Variants in SIPA1L2 observed in about 807,000 individuals in gnomAD.
The protein encoded by SIPA1L2 is signal induced proliferation associated 1 like 2.
Under a neutral mutation model 163.9 loss-of-function variants are expected in SIPA1L2, and 56 were observed. The ratio of observed to expected loss-of-function variants is 0.34; its 90% CI spans 0.28 to 0.43. The LOEUF is 0.43. Ranked by LOEUF, SIPA1L2 falls within the 20% of genes least tolerant of loss-of-function variation. The probability of loss-of-function intolerance (pLI) is 1.00; values close to 1 mark genes in which losing one functional copy is unlikely to be tolerated. For missense variants in SIPA1L2, 1,974 were observed against 2,193.5 expected (o/e 0.90, Z 2.00); for synonymous variants, 877 against 865.7 (o/e 1.01, Z -0.23).
chr1:232,627,218 T>C (rs1663125193), intron 1 of SIPA1L2, among the ~76,000 whole-genome samples: 1 of 152,196 alleles, frequency 6.6e-6, no homozygotes, highest in African/African-American at 2.4e-5. Flanking sequence ...CATTTACCAA[T>C]TATGGTTGGG....
chr1:232,547,797 C>G (rs942607145), intron 2 of SIPA1L2, among the ~76,000 whole-genome samples: 1 of 152,088 alleles, frequency 6.6e-6, no homozygotes, highest in Non-Finnish European at 1.5e-5. Context: ...ATTTCCAAAT[C>G]ATATCTCATT....
chr1:232,435,702 G>C (rs1045823102), intron 15 of SIPA1L2, among the ~76,000 whole-genome samples: 1 of 152,114 alleles, frequency 6.6e-6, no homozygotes, highest in South Asian at 2.1e-4. Flanking sequence ...TTGGTATTCT[G>C]AGCTCCTATC....
chr1:232,412,250 G>A (rs1660998843), intron 19 of SIPA1L2, among the ~76,000 whole-genome samples: 1 of 152,170 alleles, frequency 6.6e-6, no homozygotes, highest in Non-Finnish European at 1.5e-5. Flanking sequence ...GGAGAGGCAA[G>A]TCTGCCAGGG....
chr1:232,441,673 T>A (rs1662904707), intron 13 of SIPA1L2, 95 bp downstream of exon 13: 2 of 1,054,274 alleles, frequency 1.9e-6, no homozygotes, highest in Admixed American at 2.0e-5. Context: ...ATAGGTTGAA[T>A]GAGTGAATGA....
intron 2 of SIPA1L2, among the ~76,000 whole-genome samples, chr1:232,524,044 T>C (rs1667575387): frequency 1.3e-5 from 2 of 152,224 alleles, no homozygotes; most frequent in Non-Finnish European, 2.9e-5. Context: ...ATCTTTGCAC[T>C]GTTCCCATAT....
In SIPA1L2 at chr1:232,498,368, T is replaced by A. The variant is rs75237428; in HGVS notation, c.1484-4708A>T. On this transcript the variant is annotated intron_variant, in intron 3 of 22. Transcript: ENST00000674635. Reference sequence around the variant, plus strand: ...ACCGGAGCAATACAATTTCTTGAAGTATTTATAAAACTGAGAACTTATATA... The same window carrying A: ...ACCGGAGCAATACAATTTCTTGAAGAATTTATAAAACTGAGAACTTATATA... 7.3e-3 allele frequency among the ~76,000 whole-genome samples: 1,116 copies of A among 152,326 alleles called. 15 individuals are homozygous for A. Among genetic ancestry groups the A allele is most frequent in the African/African-American group, 0.025 (1,050 of 41,564 alleles).
rs951020458 is a variant in SIPA1L2 at position 232,404,034 on chromosome 1, G to A, written c.4816+91C>T. The A allele has an allele frequency of 1.3e-5, 19 of 1,430,954 alleles. No homozygotes were observed. The Admixed American group carries it at 3.2e-4, about 24-fold the overall frequency. 88.6% of individuals were successfully genotyped at this position (1,430,954 alleles called of 1,614,324 possible). On this transcript the variant is annotated intron_variant, in intron 20 of 22. Transcript: ENST00000674635. The stretch of plus-strand genomic sequence containing the variant: ...CCGCTGTGCACCCCCAACCCTCAGG[G>A]CGTGAATAACCATGCAGACGTGCAG...
chr1:232,440,707 A>G (rs1662837821), intron 14 of SIPA1L2, among the ~76,000 whole-genome samples: 1 of 152,262 alleles, frequency 6.6e-6, no homozygotes, highest in Non-Finnish European at 1.5e-5. Context: ...TTTATTTGTA[A>G]TAACCAACAA....
chr1:232,455,478 G>C (rs954329890), intron 10 of SIPA1L2, among the ~76,000 whole-genome samples: 3 of 152,040 alleles, frequency 2.0e-5, no homozygotes, highest in Admixed American at 6.6e-5. Flanking sequence ...TCAGGAGATC[G>C]AGACCATCCT....
chr1:232,481,474 G>A (rs1348792121), intron 6 of SIPA1L2, among the ~76,000 whole-genome samples: 2 of 151,992 alleles, frequency 1.3e-5, no homozygotes, highest in African/African-American at 4.8e-5. Flanking sequence ...ATTGCGGGGG[G>A]GAAAAGTACT....
intron 19 of SIPA1L2, among the ~76,000 whole-genome samples, chr1:232,410,924 G>A (rs1660917427): frequency 6.6e-6 from 1 of 152,152 alleles, no homozygotes; most frequent in African/African-American, 2.4e-5. Flanking sequence ...ATTTTGTGCA[G>A]AAGGAACCAG....
intron 1 of SIPA1L2, among the ~76,000 whole-genome samples, chr1:232,614,683 T>A (rs1243799113): frequency 6.6e-6 from 1 of 152,210 alleles, no homozygotes. Context: ...ATAATACACC[T>A]CGAGCAGACA....
Position 232,439,119 on chromosome 1 carries a change from G to A in SIPA1L2, c.4020C>T (p.Ser1340=). Residue 1340 remains serine (S), a synonymous_variant, in exon 15 of 23, where the codon TCC becomes TCT. Transcript: ENST00000674635. ...EGSMGDLSEI[S]SHSSGSHHSG... ...GCTGTGGGGCTTACCTGGAATGAGA[G>A]GATATCTCACTGAGATCGCCCATGC... is the stretch of plus-strand genomic sequence containing the variant. The A allele has an allele frequency of 6.2e-7, 1 of 1,606,076 alleles. No homozygotes were observed. The highest frequency in any genetic ancestry group is 8.5e-7 in the Non-Finnish European group (1 of 1,175,866).
chr1:232,602,082 G>A (rs1425987437), intron 1 of SIPA1L2, among the ~76,000 whole-genome samples: 1 of 152,122 alleles, frequency 6.6e-6, no homozygotes. Flanking sequence ...ACAAGGCAAG[G>A]AGGGGAAGTC....
intron 9 of SIPA1L2, among the ~76,000 whole-genome samples, chr1:232,464,046 TA>T (rs1245235019): frequency 6.6e-5 from 10 of 150,412 alleles, no homozygotes; most frequent in South Asian, 6.3e-4. Flanking sequence ...CTTTTCTAAT[TA>T]AAAAAAAAAT....
rs1251588245 is a variant in SIPA1L2 at position 232,441,279 on chromosome 1, CA to C, written c.3642+11del. 2 of 1,586,814 alleles carry C rather than the reference CA, an allele frequency of 1.3e-6. No individual in the cohort carries two copies. Among genetic ancestry groups the C allele is most frequent in the Non-Finnish European group, 1.7e-6 (2 of 1,171,666 alleles). ...GCTAGGCCAGTGAAGGGCTTATGAA[CA>C]AAGGACTTACGTGAGAAAGCTTATT... On this transcript the variant is annotated intron_variant, in intron 14 of 22. Transcript: ENST00000674635.
chr1:232,461,094 A>C lies in SIPA1L2; in HGVS notation c.2888T>G (p.Phe963Cys). Residue 963 changes from phenylalanine to cysteine, a missense_variant, in exon 10 of 23, where the codon TTC (phenylalanine) becomes TGC (cysteine). Phe to Cys is a radical substitution (Grantham distance 205, BLOSUM62 -2). Around this residue, in one of 3 missense-constraint regions of SIPA1L2, gnomAD observed 1,079 missense variants for 1,150.7 expected, o/e 0.94. Transcript: ENST00000674635. ...LRRNGLGQLGFHVNFEGIVAD... is the reference protein window; with the variant it reads ...LRRNGLGQLGCHVNFEGIVAD... The stretch of plus-strand genomic sequence containing the variant: ...GACAATTCCTTCAAAATTCACATGG[A>C]AGCCAAGCTGGCCCAGCCCGTTCCT... 1.2e-6 allele frequency: 2 copies of C among 1,614,272 alleles called. No homozygotes were observed. Among genetic ancestry groups the C allele is most frequent in the Non-Finnish European group, 1.7e-6 (2 of 1,180,044 alleles).
At chr1:232,479,828 AC>A (rs1665234150) in intron 6 of SIPA1L2, 98 bp from the exon 7 acceptor site, 1 of 1,010,396 alleles carries the variant, frequency 9.9e-7, no homozygotes, top group Admixed American at 2.0e-5. Flanking sequence ...AAAACAAAAA[AC>A]ACCAAGCTCT....
At chr1:232,604,183 A>G (rs1418053814) in intron 1 of SIPA1L2, among the ~76,000 whole-genome samples, 1 of 152,208 alleles carries the variant, frequency 6.6e-6, no homozygotes, top group Non-Finnish European at 1.5e-5. Flanking sequence ...GAGAATCTAC[A>G]CCAACTCCCT....
Sources: gnomAD v4.1 joint callset for allele counts (sites outside exome capture counted in the v4.1 genomes callset) on GRCh38, gnomAD v4.1.1 for gene constraint, gnomAD v4.1.1 regional missense constraint, MANE v1.5 for transcripts, NCBI Gene and HGNC (gene_info 2026-07-23, HGNC 2026-07-21) for gene names.